VPS13B: variants seen among roughly 807,000 people sequenced by gnomAD.
The protein encoded by VPS13B is intermembrane lipid transfer protein VPS13B.
A neutral mutation model predicts 426.4 loss-of-function variants in VPS13B; 285 were observed. The ratio of observed to expected loss-of-function variants is 0.67; its 90% CI spans 0.61 to 0.74. The LOEUF is 0.74. Among genes scored for constraint, VPS13B ranks in the 30% least tolerant of loss-of-function variants. The pLI is 0.00. For synonymous variants in VPS13B, 1,676 were observed against 1,676.4 expected (o/e 1.00, Z 0.01); for missense variants, 4,537 against 4,782.6 (o/e 0.95, Z 1.51).
intron 25 of VPS13B, among the ~76,000 whole-genome samples, chr8:99,482,177 T>A (rs1333699980): frequency 6.6e-6 from 1 of 152,096 alleles, no homozygotes; most frequent in Non-Finnish European, 1.5e-5. Context: ...TATTATTATC[T>A]AGTCACCTGG....
At chr8:99,780,588 G>A (rs910860839) in intron 42 of VPS13B, among the ~76,000 whole-genome samples, 3 of 152,102 alleles carry the variant, frequency 2.0e-5, no homozygotes, top group Non-Finnish European at 4.4e-5. Flanking sequence ...ATTAAGTAGA[G>A]CCATATGTCA....
chr8:99,519,178 G>C (rs1822243003), intron 29 of VPS13B, among the ~76,000 whole-genome samples: 2 of 152,038 alleles, frequency 1.3e-5, no homozygotes, highest in Non-Finnish European at 2.9e-5. Context: ...TGATGGGGTT[G>C]TTTTTTTCTT....
chr8:99,565,737 A>G (rs1412168498), intron 31 of VPS13B, among the ~76,000 whole-genome samples: 1 of 152,156 alleles, frequency 6.6e-6, no homozygotes, highest in Non-Finnish European at 1.5e-5. Context: ...ATATGGAAAG[A>G]AAGAAGTTTT....
rs140779939 is a variant in VPS13B at position 99,328,609 on chromosome 8, C to T, written c.2824+53355C>T. On this transcript the variant is annotated intron_variant, in intron 19 of 61. Coordinates refer to ENST00000357162, the MANE Select transcript of VPS13B (RefSeq NM_152564.5). Reference sequence around the variant, plus strand: ...GATGATTGGATAAGATAACTTTTAACAAGTTTCAAGTATTTGCAAGGAGAT... The same window carrying T: ...GATGATTGGATAAGATAACTTTTAATAAGTTTCAAGTATTTGCAAGGAGAT... Among the ~76,000 whole-genome samples, 6 of 152,198 alleles carry T rather than the reference C, an allele frequency of 3.9e-5. No homozygotes were observed. The East Asian group carries it at 1.2e-3, about 29-fold the overall frequency.
intron 33 of VPS13B, among the ~76,000 whole-genome samples, chr8:99,616,773 C>G (rs181677254): frequency 2.0e-4 from 31 of 152,144 alleles, no homozygotes; most frequent in Admixed American, 2.0e-4. Flanking sequence ...TGCGGTGAGC[C>G]GAGATTGCAC....
At chr8:99,665,637 A>C (rs1459329027) in intron 35 of VPS13B, among the ~76,000 whole-genome samples, 1 of 151,994 alleles carries the variant, frequency 6.6e-6, no homozygotes, top group South Asian at 2.1e-4. Flanking sequence ...GTAGATATGC[A>C]GCATTATTTC....
chr8:99,211,327 A>C (rs1289674894), intron 17 of VPS13B, among the ~76,000 whole-genome samples: 1 of 152,234 alleles, frequency 6.6e-6, no homozygotes, highest in East Asian at 1.9e-4. Flanking sequence ...ATTCTTGCCG[A>C]CTTCTTGCAT....
chr8:99,472,690 A>G (rs998245073), intron 24 of VPS13B, among the ~76,000 whole-genome samples: 1 of 151,970 alleles, frequency 6.6e-6, no homozygotes, highest in Non-Finnish European at 1.5e-5. Flanking sequence ...ATGAGCAGAG[A>G]TGAATGGAAC....
At chr8:99,321,831 G>A (rs891711008) in intron 19 of VPS13B, among the ~76,000 whole-genome samples, 18 of 152,120 alleles carry the variant, frequency 1.2e-4, no homozygotes, top group Admixed American at 2.0e-4. Context: ...TGATTTAAAC[G>A]TAATACATAT....
intron 9 of VPS13B, 100 bp from the exon 10 acceptor site, chr8:99,134,915 T>G (rs1247687473): frequency 7.1e-7 from 1 of 1,415,960 alleles, no homozygotes; most frequent in East Asian, 2.4e-5. Context: ...AATGACATAA[T>G]TCTAAAGATG....
At position 99,562,307 on chromosome 8, in the gene VPS13B, G is replaced by A. The variant is rs978734269; in HGVS notation, c.4949+5654G>A. Reference sequence around the variant, plus strand: ...CCACCCCACGCTTTTTTGAGACAGAGTCTTGCTTTGTCACCCAGGTTGGAG... The same window carrying A: ...CCACCCCACGCTTTTTTGAGACAGAATCTTGCTTTGTCACCCAGGTTGGAG... On this transcript the variant is annotated intron_variant, in intron 31 of 61. Coordinates refer to ENST00000357162, the MANE Select transcript of VPS13B (RefSeq NM_152564.5). Among the ~76,000 whole-genome samples, 11 of 149,494 alleles carry A rather than the reference G, an allele frequency of 7.4e-5. No homozygotes were observed. In the Admixed American group the frequency reaches 7.4e-4, roughly 10 times the overall value.
At chr8:99,027,248 G>T in intron 2 of VPS13B, among the ~76,000 whole-genome samples, 1 of 151,576 alleles carries the variant, frequency 6.6e-6, no homozygotes, top group East Asian at 1.9e-4. Flanking sequence ...TTAATTTGGG[G>T]TTTTTATTTG....
At chr8:99,559,621 A>C (rs1824785580) in intron 31 of VPS13B, among the ~76,000 whole-genome samples, 1 of 152,206 alleles carries the variant, frequency 6.6e-6, no homozygotes, top group Admixed American at 6.5e-5. Context: ...AGCTTTCTAC[A>C]TATGGCTAGC....
At chr8:99,340,084 T>A (rs1290295095) in intron 19 of VPS13B, among the ~76,000 whole-genome samples, 1 of 152,214 alleles carries the variant, frequency 6.6e-6, no homozygotes, top group Non-Finnish European at 1.5e-5. Flanking sequence ...GTAGCAAGTA[T>A]CTTGTCAGAG....
chr8:99,251,360 T>C (rs1817498339), intron 17 of VPS13B, among the ~76,000 whole-genome samples: 1 of 152,092 alleles, frequency 6.6e-6, no homozygotes, highest in Admixed American at 6.5e-5. Context: ...TTTTTTTTTC[T>C]TTTAATCCTG....
intron 35 of VPS13B, among the ~76,000 whole-genome samples, chr8:99,664,302 G>C (rs1016903495): frequency 4.7e-5 from 7 of 149,966 alleles, no homozygotes; most frequent in African/African-American, 1.7e-4. Flanking sequence ...ACCGTGCCCA[G>C]CCAGAAATGT....
chr8:99,539,065 A>G (rs1823412178), intron 30 of VPS13B, among the ~76,000 whole-genome samples: 1 of 152,162 alleles, frequency 6.6e-6, no homozygotes, highest in Non-Finnish European at 1.5e-5. Flanking sequence ...AAATTAAGCT[A>G]TTGTCGTCAT....
chr8:99,072,616 T>G (rs1844909408), intron 3 of VPS13B, among the ~76,000 whole-genome samples: 1 of 152,134 alleles, frequency 6.6e-6, no homozygotes, highest in South Asian at 2.1e-4. Context: ...CATTCGTGTA[T>G]TTCTGTTTTT....
intron 25 of VPS13B, among the ~76,000 whole-genome samples, chr8:99,499,206 A>G (rs1821097937): frequency 6.6e-6 from 1 of 152,142 alleles, no homozygotes; most frequent in Non-Finnish European, 1.5e-5. Flanking sequence ...CCTGATTTTC[A>G]CAACAGATTT....
Sources: allele counts gnomAD v4.1 joint callset (sites outside exome capture counted in the v4.1 genomes callset), GRCh38; gene constraint gnomAD v4.1.1; transcripts MANE v1.5; gene names NCBI Gene and HGNC (gene_info 2026-07-23, HGNC 2026-07-21).